AKR1C3: variants seen among roughly 807,000 people sequenced by gnomAD.
The protein encoded by AKR1C3 is 3-alpha hydroxysteroid dehydrogenase, type II.
In AKR1C3, 48 loss-of-function variants were observed where a neutral mutation model predicts 43.6. That is an observed-to-expected ratio of 1.10 (90% confidence interval 0.87 to 1.40). The LOEUF (loss-of-function observed/expected upper bound fraction) is 1.40. Ranked by LOEUF, AKR1C3 falls within the 40% of genes most tolerant of loss-of-function variation. AKR1C3 has a pLI of 0.00. For missense variants in AKR1C3, 482 were observed against 391.2 expected (o/e 1.23, Z -1.96); for synonymous variants, 162 against 139.6 (o/e 1.16, Z -1.13).
rs530051585 is a variant in AKR1C3, at chr10:5,099,576, T to C, written c.570+127T>C. On this transcript the variant is annotated intron_variant, in intron 5 of 8. Coordinates refer to ENST00000380554, the MANE Select transcript of AKR1C3 (RefSeq NM_003739.6). Reference sequence around the variant, plus strand: ...AGAAGATTATCTAGAGAGCAAAGCTTCTGTCAAGAAAGGCGTGAAGATTTC... The same window carrying C: ...AGAAGATTATCTAGAGAGCAAAGCTCCTGTCAAGAAAGGCGTGAAGATTTC... The C allele has an allele frequency of 6.0e-6, 9 of 1,502,158 alleles. No homozygotes were observed. In the East Asian group the frequency reaches 1.8e-4, roughly 30 times the overall value. 93.1% of individuals were successfully genotyped at this position (1,502,158 alleles called of 1,614,324 possible). A position where few individuals can be genotyped will look rare whatever the true frequency, so the allele number is the denominator to read the frequency against.
chr10:5,098,269 A>G lies in AKR1C3; in HGVS notation c.370-533A>G, dbSNP rs1434394222. 1.3e-5 allele frequency: 11 copies of G among 871,430 alleles called. No homozygotes were observed. In the African/African-American group the frequency reaches 1.3e-4, roughly 10 times the overall value. The allele number at this position is 871,430 out of a possible 1,614,324, so 54.0% of individuals were successfully genotyped here. ...CTAAACTCCAACACTTTTTTTTATT[A>G]TTGTTGACCCAAACTTTTTCATTGG... On this transcript the variant is annotated intron_variant, in intron 3 of 8. Coordinates refer to ENST00000380554, the MANE Select transcript of AKR1C3 (RefSeq NM_003739.6).
At chr10:5,098,161 T>C (rs1426954364) in intron 3 of AKR1C3, 3 of 985,778 alleles carry the variant, frequency 3.0e-6, no homozygotes, top group South Asian at 9.4e-5. Flanking sequence ...TACTGAGTTA[T>C]GTAAAATGGG....
intron 1 of AKR1C3, among the ~76,000 whole-genome samples, chr10:5,084,511 G>A (rs1177532728): frequency 6.6e-6 from 1 of 152,098 alleles, no homozygotes; most frequent in Non-Finnish European, 1.5e-5. Flanking sequence ...CAGGTAGCAT[G>A]ATGCCTCCGG....
chr10:5,104,342 CCAA>C (rs1489180260), intron 7 of AKR1C3, among the ~76,000 whole-genome samples: 5 of 152,126 alleles, frequency 3.3e-5, no homozygotes, highest in South Asian at 2.1e-4. Context: ...AAAGGTGCCA[CCAA>C]CAATTATTGA....
chr10:5,056,041 T>C (rs1838254619), intron 1 of AKR1C3, among the ~76,000 whole-genome samples: 1 of 152,202 alleles, frequency 6.6e-6, no homozygotes, highest in Non-Finnish European at 1.5e-5. Context: ...CTAGACACCT[T>C]GTAACCTTGA....
At position 5,058,794 on chromosome 10, in the gene AKR1C3, G is replaced by A. The variant is rs548102494; in HGVS notation, c.84+9899G>A. On this transcript the variant is annotated intron_variant, in intron 1 of 8. Transcript: ENST00000439082. ...TAGTGGCTCTTATCGACACATTCTC[G>A]AAAACCTGCACCCTTGCCTGTCCTC... 2.1e-3 allele frequency among the ~76,000 whole-genome samples: 316 copies of A among 152,202 alleles called. 2 individuals are homozygous for A. Among genetic ancestry groups the A allele is most frequent in the African/African-American group, 6.7e-3 (278 of 41,528 alleles).
chr10:5,105,061 T>C (rs1251728196), intron 7 of AKR1C3, among the ~76,000 whole-genome samples: 1 of 152,160 alleles, frequency 6.6e-6, no homozygotes, highest in Non-Finnish European at 1.5e-5. Context: ...CTCTCAAATT[T>C]AGAGAGTAAG....
intron 7 of AKR1C3, 78 bp downstream of exon 7, chr10:5,102,728 C>G: frequency 6.8e-7 from 1 of 1,479,268 alleles, no homozygotes; most frequent in Non-Finnish European, 9.0e-7. Flanking sequence ...GCTCTCAGGA[C>G]AGCCTTGGGC....
intron 1 of AKR1C3, among the ~76,000 whole-genome samples, chr10:5,078,821 T>C (rs1838772310): frequency 6.6e-6 from 1 of 152,222 alleles, no homozygotes; most frequent in Non-Finnish European, 1.5e-5. Context: ...AAGGGACTAT[T>C]TGCCTCAAGG....
At chr10:5,058,794 G>GA (rs782625574) in intron 1 of AKR1C3, among the ~76,000 whole-genome samples, 41 of 152,202 alleles carry the variant, frequency 2.7e-4, no homozygotes, top group Non-Finnish European at 5.4e-4. Flanking sequence ...ACACATTCTC[G>GA]AAAACCTGCA....
At chr10:5,104,046 C>T (rs970382000) in intron 7 of AKR1C3, among the ~76,000 whole-genome samples, 18 of 151,948 alleles carry the variant, frequency 1.2e-4, no homozygotes, top group Admixed American at 2.6e-4. Context: ...TATTGAAGTA[C>T]CACCTCCCAA....
intron 1 of AKR1C3, among the ~76,000 whole-genome samples, chr10:5,055,820 G>T (rs1554779482): frequency 6.6e-6 from 1 of 152,184 alleles, no homozygotes; most frequent in Non-Finnish European, 1.5e-5. Flanking sequence ...TCCTTGATTA[G>T]GGTATAGAAG....
At chr10:5,089,410 C>A (rs1054041262) in intron 1 of AKR1C3, among the ~76,000 whole-genome samples, 1 of 152,018 alleles carries the variant, frequency 6.6e-6, no homozygotes, top group Non-Finnish European at 1.5e-5. Flanking sequence ...TTTATATAAT[C>A]CCATATTTCT....
rs141515798 is a variant in AKR1C3 at position 5,105,677 on chromosome 10, G to C, written c.929G>C (p.Ser310Thr). Residue 310 changes from serine (S) to threonine (T), a missense_variant and splice_region_variant, in exon 8 of 9, where the codon AGT becomes ACT. Coordinates refer to ENST00000380554, the MANE Select transcript of AKR1C3 (RefSeq NM_003739.6). ...AATCTCCACTATTTTAACAGTGATA[G>C]GTAAGTTTCCTTTGTAAATGGGTGA... ...DRNLHYFNSDSFASHPNYPYS... is the reference protein window; with the variant it reads ...DRNLHYFNSDTFASHPNYPYS... 1.4e-4 allele frequency: 224 copies of C among 1,610,680 alleles called. No individual in the cohort carries two copies. The African/African-American group carries it at 2.6e-3, about 19-fold the overall frequency.
At chr10:5,099,617 TTGGAAAAGTATTA>T in intron 5 of AKR1C3, 168 bp downstream of exon 5, 1 of 1,261,314 alleles carries the variant, frequency 7.9e-7, no homozygotes, top group Non-Finnish European at 1.1e-6. Flanking sequence ...TGTACCCTGC[TTGGAAAAGTATTA>T]GGGAAAAATT....
chr10:5,084,439 T>G (rs1838914835), intron 1 of AKR1C3, among the ~76,000 whole-genome samples: 1 of 151,252 alleles, frequency 6.6e-6, no homozygotes, highest in South Asian at 2.1e-4. Flanking sequence ...GGTCTATATC[T>G]CTGTTTTGGT....
chr10:5,074,170 A>G (rs1384241992), intron 1 of AKR1C3, among the ~76,000 whole-genome samples: 1 of 152,080 alleles, frequency 6.6e-6, no homozygotes, highest in East Asian at 1.9e-4. Context: ...ACATGTGTTG[A>G]TTGATGTCTC....
At chr10:5,072,793 T>G (rs1353682111) in intron 1 of AKR1C3, among the ~76,000 whole-genome samples, 3 of 152,180 alleles carry the variant, frequency 2.0e-5, no homozygotes, top group Non-Finnish European at 2.9e-5. Flanking sequence ...ATGGTGGTGT[T>G]AGGCCTTATT....
chr10:5,053,002 T>C (rs782671521), intron 1 of AKR1C3, among the ~76,000 whole-genome samples: 5 of 152,206 alleles, frequency 3.3e-5, no homozygotes, highest in Admixed American at 2.6e-4. Context: ...CACAGGGTGC[T>C]GATTGGTGTA....
Sources: allele counts gnomAD v4.1 joint callset (sites outside exome capture counted in the v4.1 genomes callset), GRCh38; gene constraint gnomAD v4.1.1; transcripts MANE v1.5; gene names NCBI Gene and HGNC (gene_info 2026-07-23, HGNC 2026-07-21).